Variants in TRPC6 observed in about 807,000 individuals in gnomAD.
TRPC6 encodes short transient receptor potential channel 6.
A neutral mutation model predicts 90.7 loss-of-function variants in TRPC6; 55 were observed. The observed-to-expected ratio is 0.61, with a 90% CI of 0.49 to 0.76. The LOEUF (loss-of-function observed/expected upper bound fraction) is 0.76, where lower values mean the gene tolerates loss of function less well. TRPC6 is among the 30% of genes least tolerant of loss of function. The pLI is 0.00. For synonymous variants in TRPC6, 393 were observed against 393.0 expected (o/e 1.00, Z 0.00); for missense variants, 989 against 1,122.7 (o/e 0.88, Z 1.70).
At chr11:101,465,884 AT>A (rs1480560867) in intron 10 of TRPC6, among the ~76,000 whole-genome samples, 1 of 151,796 alleles carries the variant, frequency 6.6e-6, no homozygotes, top group African/African-American at 2.4e-5. Context: ...GGTTTTTGGA[AT>A]TTTCAGCCTT....
intron 1 of TRPC6, among the ~76,000 whole-genome samples, chr11:101,508,281 G>T (rs919827778): frequency 6.6e-6 from 1 of 151,896 alleles, no homozygotes; most frequent in Non-Finnish European, 1.5e-5. Context: ...GATATTCTTT[G>T]CTTCTTTTTA....
intron 2 of TRPC6, among the ~76,000 whole-genome samples, chr11:101,499,556 C>CAT (rs1403581170): frequency 3.9e-5 from 5 of 129,624 alleles, no homozygotes; most frequent in Admixed American, 8.0e-5. Context: ...TTTTTAGCTA[C>CAT]ATATATATAC....
chr11:101,572,078 T>C lies in TRPC6; in HGVS notation c.170+11256A>G, dbSNP rs183371500. Among the ~76,000 whole-genome samples, 968 of 152,188 alleles carry C rather than the reference T, an allele frequency of 6.4e-3. 13 individuals are homozygous for C. Among genetic ancestry groups the C allele is most frequent in the African/African-American group, 0.022 (922 of 41,534 alleles). On this transcript the variant is annotated intron_variant, in intron 1 of 12. Transcript: ENST00000344327. ...CAAAAGAAACTATCATCAGATTGAA[T>C]AGGCAACCTACAGAATGGGAGAAAT... is the stretch of plus-strand genomic sequence containing the variant.
intron 1 of TRPC6, among the ~76,000 whole-genome samples, chr11:101,575,504 A>G (rs1278401890): frequency 2.6e-5 from 4 of 152,140 alleles, no homozygotes; most frequent in Non-Finnish European, 5.9e-5. Flanking sequence ...CAGTAAAGTG[A>G]GGATTATAAA....
intron 10 of TRPC6, among the ~76,000 whole-genome samples, chr11:101,466,995 G>C (rs963117593): frequency 6.6e-6 from 1 of 151,972 alleles, no homozygotes; most frequent in East Asian, 1.9e-4. Context: ...AACCCCTTGC[G>C]ATGCCCCACC....
chr11:101,557,234 A>T (rs1861581519), intron 1 of TRPC6, among the ~76,000 whole-genome samples: 1 of 152,082 alleles, frequency 6.6e-6, no homozygotes, highest in Non-Finnish European at 1.5e-5. Context: ...ACATGCCTGT[A>T]ATCCCAGCTA....
At chr11:101,463,899 G>C (rs1490999867) in intron 10 of TRPC6, among the ~76,000 whole-genome samples, 2 of 152,034 alleles carry the variant, frequency 1.3e-5, no homozygotes, top group Non-Finnish European at 2.9e-5. Flanking sequence ...TTTGATGTTA[G>C]GGTGTCAATT....
At position 101,472,149 on chromosome 11, in the gene TRPC6, G is replaced by T; in HGVS notation, c.2193C>A (p.Phe731Leu). 6.2e-7 allele frequency: 1 copy of T among 1,611,164 alleles called. No individual in the cohort carries two copies. The highest frequency in any genetic ancestry group is 1.1e-5 in the South Asian group (1 of 90,962). ...ATTGAGATTATACCTCAATTTCCTG[G>T]AATGAACTGTTGATCATGGCAATTA... is the stretch of plus-strand genomic sequence containing the variant. Reference protein sequence around the residue: ...NMLIAMINSSFQEIEDDADVE... With the variant: ...NMLIAMINSSLQEIEDDADVE... Residue 731 changes from phenylalanine (F) to leucine (L), a missense_variant, in exon 8 of 13, where the codon TTC (phenylalanine) becomes TTA (leucine). By Grantham distance (22) the Phe-to-Leu change is conservative. This residue lies in a region of TRPC6 where 118 missense variants were observed against 197.6 expected (regional missense o/e 0.60). Coordinates refer to ENST00000344327, the MANE Select transcript of TRPC6 (RefSeq NM_004621.6).
intron 1 of TRPC6, among the ~76,000 whole-genome samples, chr11:101,554,790 G>A (rs555284417): frequency 1.3e-5 from 2 of 152,254 alleles, no homozygotes; most frequent in South Asian, 2.1e-4. Flanking sequence ...AAAGATAGCA[G>A]CTGATCTTCT....
chr11:101,504,509 T>C lies in TRPC6; in HGVS notation c.460A>G (p.Lys154Glu). 1.2e-6 allele frequency: 2 copies of C among 1,614,108 alleles called. No homozygotes were observed. The highest frequency in any genetic ancestry group is 1.3e-5 in the African/African-American group (1 of 75,054). ...EHLEITELLL[K>E]KENLSRVGDA... The stretch of plus-strand genomic sequence containing the variant: ...CCAACTCGAGAGAGGTTTTCTTTCT[T>C]GAGAAGAAGTTCTGTAATTTCCAGA... Residue 154 changes from lysine to glutamate, a missense_variant, in exon 2 of 13, where the codon AAG (lysine) becomes GAG (glutamate). Coordinates refer to ENST00000344327, the MANE Select transcript of TRPC6 (RefSeq NM_004621.6).
chr11:101,547,505 C>G (rs2136832347), intron 1 of TRPC6, among the ~76,000 whole-genome samples: 1 of 149,946 alleles, frequency 6.7e-6, no homozygotes, highest in Admixed American at 6.6e-5. Flanking sequence ...CTTCTTGGTT[C>G]AAACTAAGGA....
chr11:101,458,227 C>T (rs943646182), intron 10 of TRPC6, among the ~76,000 whole-genome samples: 1 of 152,096 alleles, frequency 6.6e-6, no homozygotes, highest in Non-Finnish European at 1.5e-5. Context: ...AGTTGAACTC[C>T]GGTAAGTCTG....
At chr11:101,511,419 G>A (rs1860390758) in intron 1 of TRPC6, among the ~76,000 whole-genome samples, 1 of 152,054 alleles carries the variant, frequency 6.6e-6, no homozygotes, top group South Asian at 2.1e-4. Context: ...TACATAACTG[G>A]AATACATTAA....
At chr11:101,496,108 A>G (rs1296640570) in intron 2 of TRPC6, among the ~76,000 whole-genome samples, 1 of 152,054 alleles carries the variant, frequency 6.6e-6, no homozygotes, top group African/African-American at 2.4e-5. Flanking sequence ...GAGTGAAGGG[A>G]GAAGTGCCAC....
At chr11:101,565,161 A>C (rs1431282472) in intron 1 of TRPC6, among the ~76,000 whole-genome samples, 1 of 152,104 alleles carries the variant, frequency 6.6e-6, no homozygotes, top group Non-Finnish European at 1.5e-5. Context: ...AATTCTTTGG[A>C]TATGACACCA....
chr11:101,473,894 T>G, intron 6 of TRPC6, 121 bp from the exon 7 acceptor site: 2 of 1,357,596 alleles, frequency 1.5e-6, no homozygotes, highest in Non-Finnish European at 2.1e-6. Context: ...GGAAGTCTCC[T>G]ATCTTAAAGG....
At chr11:101,453,520 G>C in intron 12 of TRPC6, 130 bp downstream of exon 12, 1 of 914,982 alleles carries the variant, frequency 1.1e-6, no homozygotes, top group African/African-American at 1.6e-5. Flanking sequence ...CGGTTGGTGA[G>C]ATCCTGTTCT....
chr11:101,488,029 G>A (rs2136700114), intron 4 of TRPC6, among the ~76,000 whole-genome samples: 1 of 152,270 alleles, frequency 6.6e-6, no homozygotes, highest in Non-Finnish European at 1.5e-5. Context: ...AATGAATCAT[G>A]CCCATGTTTA....
At chr11:101,511,901 G>A (rs1366337210) in intron 1 of TRPC6, among the ~76,000 whole-genome samples, 1 of 152,098 alleles carries the variant, frequency 6.6e-6, no homozygotes, top group African/African-American at 2.4e-5. Flanking sequence ...GCTGAGGCGA[G>A]AGAATAGCTT....
Sources: gnomAD v4.1 joint callset for allele counts (sites outside exome capture counted in the v4.1 genomes callset) on GRCh38, gnomAD v4.1.1 for gene constraint, gnomAD v4.1.1 regional missense constraint, MANE v1.5 for transcripts, NCBI Gene and HGNC (gene_info 2026-07-23, HGNC 2026-07-21) for gene names.